The following ZNF395 variants were observed in gnomAD, a reference collection of about 807,000 sequenced individuals.
ZNF395 encodes zinc finger protein 395.
ZNF395 carries 20 observed loss-of-function variants against 57.7 expected under a neutral mutation model. The ratio of observed to expected loss-of-function variants is 0.35; its 90% confidence interval spans 0.24 to 0.50. The LOEUF (loss-of-function observed/expected upper bound fraction) is 0.50. ZNF395 is among the 20% of genes least tolerant of loss of function. The probability of loss-of-function intolerance (pLI) is 0.97; values close to 1 mark genes in which losing one functional copy is unlikely to be tolerated. For synonymous variants in ZNF395, 295 were observed against 275.9 expected (o/e 1.07, Z -0.69); for missense variants, 606 against 671.2 (o/e 0.90, Z 1.07).
intron 1 of ZNF395, among the ~76,000 whole-genome samples, chr8:28,361,735 G>C (rs1044332638): frequency 6.6e-6 from 1 of 152,148 alleles, no homozygotes; most frequent in Non-Finnish European, 1.5e-5. Context: ...GCCTGAGGAC[G>C]TCTGTCTGAT....
rs1243114491 is a variant in ZNF395, at chr8:28,361,304, A to G, written c.-58-122T>C. ...CATCCTTCCCTTTTACAAAAGTGAT[A>G]TCCATTCCTAGTAGGACAATCGGAA... On this transcript the variant is annotated intron_variant, in intron 1 of 9. Coordinates refer to ENST00000344423, the MANE Select transcript of ZNF395 (RefSeq NM_018660.3). 6 of 817,382 alleles carry G rather than the reference A, an allele frequency of 7.3e-6. No homozygotes were observed. In the African/African-American group the frequency reaches 1.0e-4, roughly 14 times the overall value. The allele number at this position is 817,382 out of a possible 1,614,324, so 50.6% of individuals were successfully genotyped here.
At chr8:28,373,606 T>A (rs1802002304) in intron 1 of ZNF395, among the ~76,000 whole-genome samples, 1 of 151,878 alleles carries the variant, frequency 6.6e-6, no homozygotes, top group Non-Finnish European at 1.5e-5. Flanking sequence ...CCATCCAGAG[T>A]CCACAACGGG....
In ZNF395 at chr8:28,351,824, T is replaced by C. The variant is rs201916369; in HGVS notation, c.921-17A>G. The C allele has an allele frequency of 5.9e-6, 9 of 1,529,510 alleles. No individual in the cohort carries two copies. The highest frequency in any genetic ancestry group is 7.9e-6 in the Non-Finnish European group (9 of 1,140,062). 94.7% of individuals were successfully genotyped at this position (1,529,510 alleles called of 1,614,324 possible). A position where few individuals can be genotyped will look rare whatever the true frequency, so the allele number is the denominator to read the frequency against. The stretch of plus-strand genomic sequence containing the variant: ...ACTGTGTCCCTGTGTGGGAGGGAGA[T>C]GCGGTATAATCAGGGGCACCCTGCC... On this transcript the variant is annotated splice_polypyrimidine_tract_variant and intron_variant, in intron 6 of 9. Transcript: ENST00000344423.
chr8:28,367,790 C>T (rs1801928619), intron 1 of ZNF395, among the ~76,000 whole-genome samples: 1 of 152,180 alleles, frequency 6.6e-6, no homozygotes, highest in Non-Finnish European at 1.5e-5. Flanking sequence ...TGATCTTAAA[C>T]AGCTGATCTT....
In ZNF395 at chr8:28,356,179, A is replaced by G. The variant is rs773146509; in HGVS notation, c.583+491T>C. Among the ~76,000 whole-genome samples the G allele has an allele frequency of 1.1e-4, 17 of 152,194 alleles. No individual in the cohort carries two copies. Among genetic ancestry groups the G allele is most frequent in the Non-Finnish European group, 2.1e-4 (14 of 68,046 alleles). The stretch of plus-strand genomic sequence containing the variant: ...GAAGTTGAATCACTGGTTTTTATTA[A>G]GCAATTAGATTTACTTTAGAATTTA... On this transcript the variant is annotated intron_variant, in intron 4 of 9. Transcript: ENST00000344423. The surrounding 1 kb of genome is among the most constrained non-coding windows in gnomAD (Gnocchi z 4.0).
intron 1 of ZNF395, among the ~76,000 whole-genome samples, chr8:28,380,125 T>G (rs1291246991): frequency 6.6e-6 from 1 of 152,184 alleles, no homozygotes; most frequent in Non-Finnish European, 1.5e-5. Context: ...CCATTGGATA[T>G]TTAGGTTATT....
At position 28,346,280 on chromosome 8, in the gene ZNF395, G is replaced by A. The variant is rs766354005; in HGVS notation, c.*2439C>T. On this transcript the variant is annotated 3_prime_UTR_variant, in exon 10 of 10. Transcript: ENST00000344423. ...GCTGCCCGGGTGGGCTGGGAAGGAG[G>A]GAGATACAAAGAAGAAAGTAGGCAT... is the stretch of plus-strand genomic sequence containing the variant. 3 of 152,182 alleles carry A rather than the reference G, an allele frequency of 2.0e-5. No homozygotes were observed. The highest frequency in any genetic ancestry group is 2.9e-5 in the Non-Finnish European group (2 of 68,044). 9.4% of individuals were successfully genotyped at this position (152,182 alleles called of 1,614,324 possible). A position where few individuals can be genotyped will look rare whatever the true frequency, so the allele number is the denominator to read the frequency against.
At position 28,348,959 on chromosome 8, in the gene ZNF395, G is replaced by A. The variant is rs1801643301; in HGVS notation, c.1431-129C>T. The A allele has an allele frequency of 1.8e-5, 21 of 1,182,798 alleles. No individual in the cohort carries two copies. In the South Asian group the frequency reaches 1.9e-4, roughly 11 times the overall value. 73.3% of individuals were successfully genotyped at this position (1,182,798 alleles called of 1,614,324 possible). On this transcript the variant is annotated intron_variant, in intron 9 of 9. Coordinates refer to ENST00000344423, the MANE Select transcript of ZNF395 (RefSeq NM_018660.3). ...CCGGCAAAAGTCACCAGGACCAGGG[G>A]CCAGAGGCTCTGAGGACCAAACAGT...
chr8:28,367,846 A>G (rs76243298), intron 1 of ZNF395, among the ~76,000 whole-genome samples: 37 of 152,362 alleles, frequency 2.4e-4, no homozygotes, highest in African/African-American at 7.9e-4. Flanking sequence ...GTGTTATAAG[A>G]AAGAATACCT....
Position 28,347,398 on chromosome 8 carries a change from C to T in ZNF395, c.*1321G>A, listed in dbSNP as rs578214793. Reference sequence around the variant, plus strand: ...GGAAAGTGAGACACCAAAACAGAAACATGCCCTGCCATCCGGGCGTGGCTC... The same window carrying T: ...GGAAAGTGAGACACCAAAACAGAAATATGCCCTGCCATCCGGGCGTGGCTC... On this transcript the variant is annotated 3_prime_UTR_variant, in exon 10 of 10. Coordinates refer to ENST00000344423, the MANE Select transcript of ZNF395 (RefSeq NM_018660.3). 1 of 152,436 alleles carries T rather than the reference C, an allele frequency of 6.6e-6. No individual in the cohort carries two copies. Among genetic ancestry groups the T allele is most frequent in the South Asian group, 2.1e-4 (1 of 4,830 alleles). The allele number at this position is 152,436 out of a possible 1,614,324, so 9.4% of individuals were successfully genotyped here. A position where few individuals can be genotyped will look rare whatever the true frequency, so the allele number is the denominator to read the frequency against.
chr8:28,353,231 C>T lies in ZNF395; in HGVS notation c.761G>A (p.Gly254Asp). ...DAFGSPQTDH[G>D]FETDPDPFLL... ...GAAAGGGTCAGGATCGGTCTCAAAG[C>T]CATGATCAGTTTGGGGAGAACCAAA... Residue 254 changes from glycine to aspartate, a missense_variant, in exon 5 of 10, where the codon GGC (glycine) becomes GAC (aspartate). Physicochemically the swap from Gly to Asp is moderately conservative, Grantham distance 94. Around this residue, in one of 3 missense-constraint regions of ZNF395, gnomAD observed 309 missense variants for 374.7 expected, o/e 0.82. Coordinates refer to ENST00000344423, the MANE Select transcript of ZNF395 (RefSeq NM_018660.3). 1 of 1,613,686 alleles carries T rather than the reference C, an allele frequency of 6.2e-7. No individual in the cohort carries two copies. Among genetic ancestry groups the T allele is most frequent in the Non-Finnish European group, 8.5e-7 (1 of 1,179,988 alleles).
At chr8:28,380,805 T>C (rs1454809956) in intron 1 of ZNF395, among the ~76,000 whole-genome samples, 1 of 152,220 alleles carries the variant, frequency 6.6e-6, no homozygotes, top group Non-Finnish European at 1.5e-5. Context: ...TAGCCACACA[T>C]TGTTAAAATG....
chr8:28,363,648 A>T (rs888285690), intron 1 of ZNF395, among the ~76,000 whole-genome samples: 2 of 152,122 alleles, frequency 1.3e-5, no homozygotes, highest in Non-Finnish European at 2.9e-5. Flanking sequence ...AAAACAAAAC[A>T]AAACTAATGG....
chr8:28,371,545 T>C (rs559892570), intron 1 of ZNF395, among the ~76,000 whole-genome samples: 1 of 152,256 alleles, frequency 6.6e-6, no homozygotes, highest in South Asian at 2.1e-4. Flanking sequence ...CAGACCAAAC[T>C]AGATGACCAC....
chr8:28,381,073 G>A (rs1463142425), intron 1 of ZNF395, among the ~76,000 whole-genome samples: 2 of 138,744 alleles, frequency 1.4e-5, no homozygotes, highest in African/African-American at 2.6e-5. Flanking sequence ...ACGGAGTCTC[G>A]CTCTGTCGCC....
intron 1 of ZNF395, among the ~76,000 whole-genome samples, chr8:28,379,268 G>C (rs1802081523): frequency 6.6e-6 from 1 of 152,156 alleles, no homozygotes; most frequent in Non-Finnish European, 1.5e-5. Flanking sequence ...TGGCTCTCCA[G>C]GGTCCAAATG....
chr8:28,359,808 C>G lies in ZNF395; in HGVS notation c.257G>C (p.Gly86Ala), dbSNP rs201833660. The change falls in exon 3 of 10, where the codon GGG becomes GCG. Residue 86 changes from glycine to alanine, a missense_variant. Gly to Ala is a moderately conservative substitution (Grantham distance 60). This residue lies in a region of ZNF395 where 309 missense variants were observed against 374.7 expected (regional missense o/e 0.82). Transcript: ENST00000344423. This position sits in a 1 kb window ranked among gnomAD's most constrained non-coding sequence, Gnocchi z 4.7. ...QPGQKVYVWYGGQECTGLVEQ... is the reference protein window; with the variant it reads ...QPGQKVYVWYAGQECTGLVEQ... ...CACCAGTCCTGTGCACTCTTGACCC[C>G]CGTACCACACATAAACCTGTGGGAA... The G allele has an allele frequency of 2.7e-5, 43 of 1,613,864 alleles. No homozygotes were observed. The highest frequency in any genetic ancestry group is 5.1e-6 in the Non-Finnish European group (6 of 1,179,962).
intron 3 of ZNF395, among the ~76,000 whole-genome samples, chr8:28,358,209 A>G (rs1310860296): frequency 3.0e-5 from 4 of 131,254 alleles, no homozygotes; most frequent in Non-Finnish European, 4.6e-5. Context: ...GGTTGGCTTC[A>G]AGCAGTTCTC....
intron 1 of ZNF395, among the ~76,000 whole-genome samples, chr8:28,370,304 C>A (rs1801961959): frequency 6.6e-6 from 1 of 152,088 alleles, no homozygotes; most frequent in African/African-American, 2.4e-5. Context: ...CAGGCACCAT[C>A]GGGGAAGATT....
Sources: gnomAD v4.1 joint callset for allele counts (sites outside exome capture counted in the v4.1 genomes callset) on GRCh38, gnomAD v4.1.1 for gene constraint, gnomAD v4.1.1 regional missense constraint, Gnocchi (gnomAD v3.1) non-coding constraint, MANE v1.5 for transcripts, NCBI Gene and HGNC (gene_info 2026-07-23, HGNC 2026-07-21) for gene names.